STARD9: variants seen among roughly 807,000 people sequenced by gnomAD.
STARD9 encodes the protein StAR related lipid transfer domain containing 9.
In STARD9, 346 loss-of-function variants were observed where a neutral mutation model predicts 399.8. The ratio of observed to expected loss-of-function variants is 0.87; its 90% CI spans 0.79 to 0.95. The LOEUF (loss-of-function observed/expected upper bound fraction) is 0.95. Among genes scored for constraint, STARD9 ranks in the 40% least tolerant of loss-of-function variants. The probability of loss-of-function intolerance (pLI) is 0.00; values close to 1 mark genes in which losing one functional copy is unlikely to be tolerated. For synonymous variants in STARD9, 2,203 were observed against 2,143.5 expected (o/e 1.03, Z -0.77); for missense variants, 5,832 against 5,667.5 (o/e 1.03, Z -0.93).
Position 42,675,227 on chromosome 15 carries a change from C to T in STARD9, c.1687+263C>T, listed in dbSNP as rs542165728. ...AGGAAAGTCTCTGAGCCTCAACTTT[C>T]CTCATCTATAAAATGGGGATAATAA... On this transcript the variant is annotated intron_variant, in intron 18 of 32. Transcript: ENST00000290607. Among the ~76,000 whole-genome samples, 16 of 152,310 alleles carry T rather than the reference C, an allele frequency of 1.1e-4. No individual in the cohort carries two copies. The South Asian group carries it at 3.1e-3, about 30-fold the overall frequency.
rs950683932 is a variant in STARD9, at chr15:42,674,468, A to G, written c.1526A>G (p.Asp509Gly). Residue 509 changes from aspartate to glycine, a missense_variant, in exon 17 of 33, where the codon GAC (aspartate) becomes GGC (glycine). Physicochemically the swap from Asp to Gly is moderately conservative, Grantham distance 94. This residue lies in a region of STARD9 where 5,828 missense variants were observed against 5,651.1 expected (regional missense o/e 1.03). Transcript: ENST00000290607. The part of the protein sequence containing the change: ...KEGTTKIGRI[D>G]SDQEQDIVLQ... ...GGGACAACAAAAATAGGAAGGATTG[A>G]CTCAGACCAGGAACAGGACATTGGT... 5 of 1,537,020 alleles carry G rather than the reference A, an allele frequency of 3.3e-6. No homozygotes were observed. The African/African-American group carries it at 6.8e-5, about 21-fold the overall frequency.
chr15:42,596,825 A>G (rs769911167), intron 3 of STARD9, among the ~76,000 whole-genome samples: 1 of 152,234 alleles, frequency 6.6e-6, no homozygotes, highest in Non-Finnish European at 1.5e-5. Flanking sequence ...CTTAAAGGCA[A>G]TGTAAGATAA....
chr15:42,678,337 C>G (rs1446128005), intron 20 of STARD9, among the ~76,000 whole-genome samples: 1 of 152,182 alleles, frequency 6.6e-6, no homozygotes. Context: ...TTTCCTTTCC[C>G]TCATTTATCT....
At chr15:42,715,896 TG>T (rs1444036855) in intron 26 of STARD9, among the ~76,000 whole-genome samples, 2 of 152,054 alleles carry the variant, frequency 1.3e-5, no homozygotes, top group East Asian at 4.0e-4. Context: ...GTGAAGAGAC[TG>T]GTGATCAGTA....
Position 42,585,569 on chromosome 15 carries a change from G to T in STARD9, c.166G>T (p.Ala56Ser). ...TGGGGACTCCCGGGAGAAGGTTATG[G>T]CATTTGGCTTTGATTACTGCTACTG... ...GFGDSREKVM[A>S]FGFDYCYWSV... Residue 56 changes from alanine to serine, a missense_variant, in exon 3 of 33, where the codon GCA becomes TCA. Transcript: ENST00000290607. 6.5e-7 allele frequency: 1 copy of T among 1,537,172 alleles called. No homozygotes were observed.
At chr15:42,586,839 A>C (rs2141675528) in intron 3 of STARD9, among the ~76,000 whole-genome samples, 1 of 148,966 alleles carries the variant, frequency 6.7e-6, no homozygotes, top group Admixed American at 6.7e-5. Context: ...CTTTCATAAA[A>C]CTTTTTTTTT....
In STARD9 at chr15:42,691,522, C is replaced by G. The variant is rs1382313492; in HGVS notation, c.9944C>G (p.Pro3315Arg). The G allele has an allele frequency of 1.0e-5, 16 of 1,537,132 alleles. No homozygotes were observed. Among genetic ancestry groups the G allele is most frequent in the Non-Finnish European group, 1.4e-5 (16 of 1,146,922 alleles). Residue 3315 changes from proline (P) to arginine (R), a missense_variant, in exon 23 of 33, where the codon CCC becomes CGC. Pro to Arg is a moderately radical substitution (Grantham distance 103). This residue lies in a region of STARD9 where 5,828 missense variants were observed against 5,651.1 expected (regional missense o/e 1.03). Coordinates refer to ENST00000290607, the MANE Select transcript of STARD9 (RefSeq NM_020759.3). ...CCTGTGACTACAATCTTCTCTGGCCCCAAACACTCCAGGTCCTCCCCCACA... is the reference window on the plus strand; with the variant it reads ...CCTGTGACTACAATCTTCTCTGGCCGCAAACACTCCAGGTCCTCCCCCACA... ...SLPVTTIFSG[P>R]KHSRSSPTPQ...
intron 18 of STARD9, 193 bp from the exon 19 acceptor site, chr15:42,675,471 A>G: frequency 1.7e-6 from 1 of 574,592 alleles, no homozygotes; most frequent in Non-Finnish European, 3.1e-6. Context: ...TTGGAATAGT[A>G]GAGTTCTTCC....
At position 42,695,822 on chromosome 15, in the gene STARD9, C is replaced by T. The variant is rs1595795986; in HGVS notation, c.13226C>T (p.Thr4409Ile). 2.0e-5 allele frequency: 31 copies of T among 1,537,274 alleles called. No individual in the cohort carries two copies. The East Asian group carries it at 2.4e-4, about 12-fold the overall frequency. ...AATGGAAGCCTCTCGTCTGGCATGA[C>T]CTCTGGCTATAATAGCAGCCCAGCC... ...SSNGSLSSGMTSGYNSSPALS... is the reference protein window; with the variant it reads ...SSNGSLSSGMISGYNSSPALS... Residue 4409 changes from threonine to isoleucine, a missense_variant, in exon 26 of 33, where the codon ACC becomes ATC. Thr to Ile is a moderately conservative substitution (Grantham distance 89). Around this residue, in one of 2 missense-constraint regions of STARD9, gnomAD observed 5,828 missense variants for 5,651.1 expected, o/e 1.03. Transcript: ENST00000290607.
chr15:42,682,494 C>T lies in STARD9; in HGVS notation c.2456C>T (p.Pro819Leu). Residue 819 changes from proline to leucine, a missense_variant, in exon 22 of 33, where the codon CCT (proline) becomes CTT (leucine). Physicochemically the swap from Pro to Leu is moderately conservative, Grantham distance 98. Coordinates refer to ENST00000290607, the MANE Select transcript of STARD9 (RefSeq NM_020759.3). ...AGCCCTGATGCCACAGTCCCACGGCCTCCATGTAGAAGCAAATTGACGAGT... is the reference window on the plus strand; with the variant it reads ...AGCCCTGATGCCACAGTCCCACGGCTTCCATGTAGAAGCAAATTGACGAGT... ...VLSPDATVPR[P>L]PCRSKLTSCS... 6.5e-7 allele frequency: 1 copy of T among 1,537,206 alleles called. No homozygotes were observed. Among genetic ancestry groups the T allele is most frequent in the South Asian group, 1.2e-5 (1 of 84,060 alleles).
Position 42,717,973 on chromosome 15 carries a change from C to A in STARD9, c.13560-4C>A, listed in dbSNP as rs1031303029. 1.3e-6 allele frequency: 2 copies of A among 1,537,144 alleles called. No individual in the cohort carries two copies. The highest frequency in any genetic ancestry group is 1.7e-4 in the Middle Eastern group (1 of 5,990). On this transcript the variant is annotated splice_polypyrimidine_tract_variant and splice_region_variant and intron_variant, in intron 29 of 32. Coordinates refer to ENST00000290607, the MANE Select transcript of STARD9 (RefSeq NM_020759.3). ...TATTTTCTGTGCTTGGTGTCTCCCCCCAGCTATCAGGGTGAGGAGCAGGCG... is the reference window on the plus strand; with the variant it reads ...TATTTTCTGTGCTTGGTGTCTCCCCACAGCTATCAGGGTGAGGAGCAGGCG...
In STARD9 at chr15:42,719,677, G is replaced by C; in HGVS notation, c.*103G>C. The C allele has an allele frequency of 1.3e-6, 1 of 767,382 alleles. No individual in the cohort carries two copies. The highest frequency in any genetic ancestry group is 1.7e-5 in the South Asian group (1 of 57,746). The allele number at this position is 767,382 out of a possible 1,614,324, so 47.5% of individuals were successfully genotyped here. A position where few individuals can be genotyped will look rare whatever the true frequency, so the allele number is the denominator to read the frequency against. ...CTTTCCATACCACAGTGCAGGAAAA[G>C]CTGATGCTACCTGCTGTGGCCGATT... On this transcript the variant is annotated 3_prime_UTR_variant, in exon 33 of 33. Transcript: ENST00000290607.
Position 42,638,883 on chromosome 15 carries a change from T to C in STARD9, c.559+71T>C, listed in dbSNP as rs1248313942. 3.6e-6 allele frequency: 3 copies of C among 832,002 alleles called. No homozygotes were observed. In the African/African-American group the frequency reaches 5.2e-5, roughly 14 times the overall value. 51.5% of individuals were successfully genotyped at this position (832,002 alleles called of 1,614,324 possible). On this transcript the variant is annotated intron_variant, in intron 7 of 32. Transcript: ENST00000290607. ...GGAAGCTCTCCTAATGTTCCCTAAT[T>C]CATTGAACATAGGTGTAATGAACAC...
intron 7 of STARD9, among the ~76,000 whole-genome samples, chr15:42,645,088 G>A (rs960866625): frequency 3.3e-5 from 5 of 152,102 alleles, no homozygotes; most frequent in Admixed American, 6.5e-5. Flanking sequence ...AGTCATTCAT[G>A]AGGGTTGGAA....
At chr15:42,678,336 C>T (rs2060355258) in intron 20 of STARD9, among the ~76,000 whole-genome samples, 1 of 152,170 alleles carries the variant, frequency 6.6e-6, no homozygotes, top group Non-Finnish European at 1.5e-5. Flanking sequence ...GTTTCCTTTC[C>T]CTCATTTATC....
chr15:42,637,079 T>TAA (rs5812228), intron 4 of STARD9, among the ~76,000 whole-genome samples: 97 of 144,272 alleles, frequency 6.7e-4, no homozygotes, highest in Middle Eastern at 3.6e-3. Flanking sequence ...AAATAATAAT[T>TAA]AAAAAAAAAA....
intron 10 of STARD9, 59 bp from the exon 11 acceptor site, chr15:42,662,735 C>A: frequency 9.1e-7 from 1 of 1,096,450 alleles, no homozygotes; most frequent in Non-Finnish European, 1.3e-6. Context: ...TTTTCAACAG[C>A]ATTGTAAAGA....
rs2060805443 is a variant in STARD9, at chr15:42,694,829, G to C, written c.12962+104G>C. ...GCATCCTGGAGGGTTCTCTATAGGA[G>C]ACAGGGTAAATGGAAAGAGGACATA... On this transcript the variant is annotated intron_variant, in intron 24 of 32. Coordinates refer to ENST00000290607, the MANE Select transcript of STARD9 (RefSeq NM_020759.3). 6.5e-6 allele frequency: 5 copies of C among 765,696 alleles called. No homozygotes were observed. In the South Asian group the frequency reaches 8.9e-5, roughly 14 times the overall value. The allele number at this position is 765,696 out of a possible 1,614,324, so 47.4% of individuals were successfully genotyped here. A position where few individuals can be genotyped will look rare whatever the true frequency, so the allele number is the denominator to read the frequency against.
At chr15:42,714,895 T>C (rs2061322939) in intron 26 of STARD9, among the ~76,000 whole-genome samples, 2 of 152,166 alleles carry the variant, frequency 1.3e-5, no homozygotes, top group South Asian at 2.1e-4. Context: ...GCAGTACTTA[T>C]TGATTAATTT....
Sources: gnomAD v4.1 joint callset for allele counts (sites outside exome capture counted in the v4.1 genomes callset) on GRCh38, gnomAD v4.1.1 for gene constraint, gnomAD v4.1.1 regional missense constraint, MANE v1.5 for transcripts, NCBI Gene and HGNC (gene_info 2026-07-23, HGNC 2026-07-21) for gene names.